DPYD: variants seen among roughly 807,000 people sequenced by gnomAD.
DPYD encodes the protein dihydropyrimidine dehydrogenase [NADP(+)].
A neutral mutation model predicts 116.2 loss-of-function variants in DPYD; 109 were observed. That is an observed-to-expected ratio of 0.94 (90% confidence interval 0.80 to 1.10). The LOEUF is 1.10. Ranked by LOEUF, DPYD falls within the 50% of genes least tolerant of loss-of-function variation. The pLI is 0.00. For synonymous variants in DPYD, 440 were observed against 432.0 expected, an observed-to-expected ratio of 1.02 and a Z score of -0.23; for missense variants, 1,302 against 1,254.5, an observed-to-expected ratio of 1.04 and a Z score of -0.57.
chr1:97,359,967 T>A (rs1439026740), intron 16 of DPYD, among the ~76,000 whole-genome samples: 1 of 152,108 alleles, frequency 6.6e-6, no homozygotes, highest in African/African-American at 2.4e-5. Flanking sequence ...AATATTAACC[T>A]TAAATGTAAA....
intron 20 of DPYD, among the ~76,000 whole-genome samples, chr1:97,114,419 T>C (rs1405203362): frequency 6.6e-6 from 1 of 152,192 alleles, no homozygotes; most frequent in Non-Finnish European, 1.5e-5. Flanking sequence ...GAAAATAGCA[T>C]AAGCAATATT....
At chr1:97,386,289 T>TA (rs1343436425) in intron 14 of DPYD, among the ~76,000 whole-genome samples, 82 of 151,764 alleles carry the variant, frequency 5.4e-4, no homozygotes, top group Admixed American at 1.6e-3. Context: ...AAAACTTTTT[T>TA]TTTTTTCTCC....
At chr1:97,784,163 G>T (rs1390207422) in intron 3 of DPYD, among the ~76,000 whole-genome samples, 1 of 151,982 alleles carries the variant, frequency 6.6e-6, no homozygotes, top group Non-Finnish European at 1.5e-5. Context: ...CAACATAGGA[G>T]GAATACTAAA....
At chr1:97,837,278 T>C (rs892196358) in intron 2 of DPYD, among the ~76,000 whole-genome samples, 3 of 152,156 alleles carry the variant, frequency 2.0e-5, no homozygotes, top group African/African-American at 7.2e-5. Flanking sequence ...GGGTGTCTTA[T>C]GTACCAGCTG....
chr1:97,554,672 T>C (rs1282453699), intron 11 of DPYD, among the ~76,000 whole-genome samples: 3 of 152,088 alleles, frequency 2.0e-5, no homozygotes, highest in Admixed American at 6.6e-5. Context: ...TAGAATAACC[T>C]GGGGTAAGGA....
chr1:97,391,972 C>CA (rs71740135), intron 14 of DPYD, among the ~76,000 whole-genome samples: 8 of 151,214 alleles, frequency 5.3e-5, no homozygotes, highest in Admixed American at 1.3e-4. Context: ...AAAATTGATA[C>CA]AAAAAAAATA....
At chr1:97,569,425 T>G (rs918204395) in intron 11 of DPYD, among the ~76,000 whole-genome samples, 7 of 148,074 alleles carry the variant, frequency 4.7e-5, no homozygotes, top group African/African-American at 1.7e-4. Context: ...AAATATATAT[T>G]CATATATTTA....
At chr1:97,407,511 C>T (rs1273991539) in intron 14 of DPYD, among the ~76,000 whole-genome samples, 4 of 152,122 alleles carry the variant, frequency 2.6e-5, no homozygotes, top group Non-Finnish European at 5.9e-5. Context: ...TCTTCTAGCT[C>T]ATCATGTCCC....
At chr1:97,501,657 A>C (rs1321616256) in intron 13 of DPYD, among the ~76,000 whole-genome samples, 1 of 151,942 alleles carries the variant, frequency 6.6e-6, no homozygotes, top group Non-Finnish European at 1.5e-5. Flanking sequence ...GATACAGTGA[A>C]TCTACACTCC....
chr1:97,378,307 C>A (rs560965684), intron 15 of DPYD, among the ~76,000 whole-genome samples: 2 of 152,276 alleles, frequency 1.3e-5, no homozygotes, highest in African/African-American at 4.8e-5. Flanking sequence ...CTGTAATGTG[C>A]CTCTGTTTGA....
At chr1:97,278,492 G>A (rs10875061) in intron 18 of DPYD, among the ~76,000 whole-genome samples, 48,436 of 152,038 alleles carry the variant, frequency 0.32, 8,175 homozygotes, top group Non-Finnish European at 0.37. Context: ...ATAGTTCAAT[G>A]TTTCTTAATG....
intron 8 of DPYD, among the ~76,000 whole-genome samples, chr1:97,618,334 T>C (rs1045581528): frequency 1.8e-4 from 27 of 152,148 alleles, no homozygotes; most frequent in Admixed American, 1.3e-4. Context: ...ATTTTATTAC[T>C]TGATTCATTA....
intron 8 of DPYD, among the ~76,000 whole-genome samples, chr1:97,624,706 A>G (rs1176910897): frequency 6.6e-6 from 1 of 152,084 alleles, no homozygotes; most frequent in Admixed American, 6.6e-5. Context: ...TAAACTTTAG[A>G]ATCAAACTAA....
At position 97,294,722 on chromosome 1, in the gene DPYD, T is replaced by C. The variant is rs543021043; in HGVS notation, c.2299+10537A>G. On this transcript the variant is annotated intron_variant, in intron 18 of 22. Transcript: ENST00000370192. ...TAAGAAATAAAGTTTTTTATTACTA[T>C]ATTGATGGCAGCTACATTTCTAGCT... Among the ~76,000 whole-genome samples, 94 of 152,338 alleles carry C rather than the reference T, an allele frequency of 6.2e-4. 1 individual carries two copies. Among genetic ancestry groups the C allele is most frequent in the Admixed American group, 2.1e-3 (32 of 15,302 alleles).
At chr1:97,833,017 G>T (rs749612184) in intron 2 of DPYD, among the ~76,000 whole-genome samples, 10 of 148,466 alleles carry the variant, frequency 6.7e-5, no homozygotes, top group Non-Finnish European at 1.5e-4. Flanking sequence ...AAAAAGAACA[G>T]CTAGCAAATT....
intron 16 of DPYD, among the ~76,000 whole-genome samples, chr1:97,362,287 TC>T (rs1670775007): frequency 6.6e-6 from 1 of 152,060 alleles, no homozygotes; most frequent in Non-Finnish European, 1.5e-5. Context: ...AAACCACTGC[TC>T]AATGAAATAA....
At chr1:97,790,738 G>T (rs926612548) in intron 3 of DPYD, among the ~76,000 whole-genome samples, 2 of 151,966 alleles carry the variant, frequency 1.3e-5, no homozygotes, top group Non-Finnish European at 2.9e-5. Context: ...GCTCATGTTA[G>T]GTCACATATT....
chr1:97,860,989 G>C (rs1468091444), intron 2 of DPYD, among the ~76,000 whole-genome samples: 1 of 151,816 alleles, frequency 6.6e-6, no homozygotes, highest in East Asian at 1.9e-4. Flanking sequence ...ATGAGAGAAA[G>C]GCACTTATAG....
chr1:97,839,498 TTG>T (rs546028617), intron 2 of DPYD, among the ~76,000 whole-genome samples: 53 of 149,654 alleles, frequency 3.5e-4, no homozygotes, highest in Admixed American at 4.7e-4. Flanking sequence ...CAGCAATTCT[TTG>T]TGTGTGTGTG....
Sources: allele counts gnomAD v4.1 joint callset (sites outside exome capture counted in the v4.1 genomes callset), GRCh38; gene constraint gnomAD v4.1.1; transcripts MANE v1.5; gene names NCBI Gene and HGNC (gene_info 2026-07-23, HGNC 2026-07-21).